COX7B2: variants seen among roughly 807,000 people sequenced by gnomAD.
COX7B2 encodes cytochrome c oxidase subunit 7B2, mitochondrial.
For synonymous variants in COX7B2, 37 were observed against 32.1 expected (o/e 1.15, Z -0.51); for missense variants, 109 against 95.9 (o/e 1.14, Z -0.57).
intron 2 of COX7B2, among the ~76,000 whole-genome samples, chr4:46,787,425 C>T (rs186015616): frequency 6.6e-6 from 1 of 150,994 alleles, no homozygotes; most frequent in African/African-American, 2.4e-5. Context: ...CCAGCCTGGA[C>T]AACAAGAGTG....
chr4:46,804,715 G>C (rs1270273455), intron 2 of COX7B2, among the ~76,000 whole-genome samples: 2 of 152,200 alleles, frequency 1.3e-5, no homozygotes, highest in East Asian at 1.9e-4. Flanking sequence ...CCCTTAGCTA[G>C]ACATAAAGGT....
chr4:46,747,250 A>G (rs1715074464), intron 2 of COX7B2, among the ~76,000 whole-genome samples: 1 of 148,516 alleles, frequency 6.7e-6, no homozygotes, highest in South Asian at 2.1e-4. Context: ...ATTCCCCTCT[A>G]TGTGTCCATA....
At chr4:46,856,101 GGT>G (rs1716996757) in intron 1 of COX7B2, among the ~76,000 whole-genome samples, 1 of 151,840 alleles carries the variant, frequency 6.6e-6, no homozygotes, top group Admixed American at 6.6e-5. Context: ...AAAATTAGCC[GGT>G]CATGGTGGTG....
At chr4:46,792,274 C>A (rs1283967158) in intron 2 of COX7B2, among the ~76,000 whole-genome samples, 1 of 152,150 alleles carries the variant, frequency 6.6e-6, no homozygotes, top group East Asian at 1.9e-4. Flanking sequence ...AATGTTATAG[C>A]TAATTTCATG....
chr4:46,843,711 T>G (rs1716090547), intron 2 of COX7B2, among the ~76,000 whole-genome samples: 1 of 151,968 alleles, frequency 6.6e-6, no homozygotes, highest in Non-Finnish European at 1.5e-5. Flanking sequence ...ACAATTTATA[T>G]GAGAAATGGT....
At chr4:46,814,081 G>T (rs1344851812) in intron 2 of COX7B2, among the ~76,000 whole-genome samples, 1 of 152,128 alleles carries the variant, frequency 6.6e-6, no homozygotes, top group Non-Finnish European at 1.5e-5. Flanking sequence ...TACACTGTTG[G>T]TAACCATTAT....
chr4:46,756,959 CATT>C (rs1360453945), intron 2 of COX7B2, among the ~76,000 whole-genome samples: 1 of 151,956 alleles, frequency 6.6e-6, no homozygotes, highest in Non-Finnish European at 1.5e-5. Context: ...GAAAAGAAAT[CATT>C]ATATTAAAAA....
At position 46,819,539 on chromosome 4, in the gene COX7B2, T is replaced by TAA. The variant is rs397959996; in HGVS notation, c.-50+25419_-50+25420dup. On this transcript the variant is annotated intron_variant, in intron 2 of 2. Transcript: ENST00000355591. ...CTAAAACTAACGATAGCTGATGAGC[T>TAA]AAAAAAAAAAAAAAAAAAAAATTCA... is the stretch of plus-strand genomic sequence containing the variant. Among the ~76,000 whole-genome samples, 570 of 112,260 alleles carry TAA rather than the reference T, an allele frequency of 5.1e-3. 2 individuals are homozygous for TAA. The highest frequency in any genetic ancestry group is 0.012 in the Admixed American group (132 of 11,232). The allele number at this position is 112,260 out of a possible 152,430, so 73.6% of individuals were successfully genotyped here.
chr4:46,812,592 G>A lies in COX7B2; in HGVS notation c.-50+32368C>T, dbSNP rs1719340936. Among the ~76,000 whole-genome samples the A allele has an allele frequency of 3.9e-5, 6 of 152,212 alleles. No homozygotes were observed. The South Asian group carries it at 1.2e-3, about 32-fold the overall frequency. ...GATGTAAGTTCCTGATATGATTTAG[G>A]CCCCAGGGGACAGGGAGCAGTACAG... On this transcript the variant is annotated intron_variant, in intron 2 of 2. Coordinates refer to ENST00000355591, the MANE Select transcript of COX7B2 (RefSeq NM_130902.3).
At chr4:46,851,966 A>C (rs1021720755) in intron 1 of COX7B2, among the ~76,000 whole-genome samples, 18 of 152,100 alleles carry the variant, frequency 1.2e-4, no homozygotes, top group African/African-American at 4.1e-4. Context: ...GTAGTTGGTA[A>C]GTATCTTGGG....
At chr4:46,821,783 T>A (rs1263993104) in intron 2 of COX7B2, among the ~76,000 whole-genome samples, 1 of 152,268 alleles carries the variant, frequency 6.6e-6, no homozygotes, top group Non-Finnish European at 1.5e-5. Flanking sequence ...CTCTGCTGAT[T>A]ACCTATATTA....
intron 1 of COX7B2, among the ~76,000 whole-genome samples, chr4:46,876,019 TAGATTATAAAA>T (rs1404617821): frequency 6.6e-6 from 1 of 152,132 alleles, no homozygotes; most frequent in Non-Finnish European, 1.5e-5. Context: ...TTAGTCCAAA[TAGATTATAAAA>T]CAATTGAAGA....
At chr4:46,902,385 T>G (rs1210033923) in intron 1 of COX7B2, among the ~76,000 whole-genome samples, 1 of 152,146 alleles carries the variant, frequency 6.6e-6, no homozygotes. Context: ...AAGAAAGCAT[T>G]CTATAATCCC....
At chr4:46,752,810 A>C (rs1715480954) in intron 2 of COX7B2, among the ~76,000 whole-genome samples, 1 of 152,026 alleles carries the variant, frequency 6.6e-6, no homozygotes, top group African/African-American at 2.4e-5. Flanking sequence ...GTGCTGCTGG[A>C]TTTGGTTTGT....
At chr4:46,876,205 T>C (rs1718320287) in intron 1 of COX7B2, among the ~76,000 whole-genome samples, 1 of 152,190 alleles carries the variant, frequency 6.6e-6, no homozygotes, top group Admixed American at 6.5e-5. Flanking sequence ...TTACCAGGGA[T>C]AGATTATTGA....
intron 2 of COX7B2, among the ~76,000 whole-genome samples, chr4:46,833,555 C>A (rs974656234): frequency 3.3e-5 from 5 of 152,068 alleles, no homozygotes; most frequent in Admixed American, 1.3e-4. Flanking sequence ...AAGTAAAACT[C>A]AGAGAAACTC....
chr4:46,895,146 C>T (rs1719673746), intron 1 of COX7B2, among the ~76,000 whole-genome samples: 1 of 152,000 alleles, frequency 6.6e-6, no homozygotes, highest in Non-Finnish European at 1.5e-5. Flanking sequence ...GGTATATACC[C>T]AAAGGTTTAT....
intron 2 of COX7B2, among the ~76,000 whole-genome samples, chr4:46,784,422 C>T (rs1313480751): frequency 6.6e-6 from 1 of 151,998 alleles, no homozygotes; most frequent in African/African-American, 2.4e-5. Flanking sequence ...GTCAGGAGTT[C>T]GAGACCAGCC....
intron 2 of COX7B2, among the ~76,000 whole-genome samples, chr4:46,783,392 TC>T (rs1717586726): frequency 6.6e-6 from 1 of 152,164 alleles, no homozygotes; most frequent in South Asian, 2.1e-4. Flanking sequence ...ATAACAGGGG[TC>T]CTTTGCCTAT....
Sources: allele counts gnomAD v4.1 joint callset (sites outside exome capture counted in the v4.1 genomes callset), GRCh38; gene constraint gnomAD v4.1.1; transcripts MANE v1.5; gene names NCBI Gene and HGNC (gene_info 2026-07-23, HGNC 2026-07-21).